HDAC4: variants seen among roughly 807,000 people sequenced by gnomAD.
HDAC4 encodes histone deacetylase 4, also known as histone deacetylase A.
A neutral mutation model predicts 135.1 loss-of-function variants in HDAC4; 16 were observed. The ratio of observed to expected loss-of-function variants is 0.12; its 90% CI spans 0.08 to 0.18. The LOEUF is 0.18. Among genes scored for constraint, HDAC4 ranks in the 10% least tolerant of loss-of-function variants. The pLI, the probability that HDAC4 is intolerant of heterozygous loss-of-function variation, is 1.00. For missense variants in HDAC4, 1,143 were observed against 1,511.8 expected (o/e 0.76, Z 4.05); for synonymous variants, 685 against 653.4 (o/e 1.05, Z -0.74).
At chr2:239,255,998 C>T (rs57296414) in intron 2 of HDAC4, among the ~76,000 whole-genome samples, 3 of 152,240 alleles carry the variant, frequency 2.0e-5, no homozygotes, top group African/African-American at 7.2e-5. Context: ...ATAAACCACT[C>T]TATGCAAATA....
intron 3 of HDAC4, among the ~76,000 whole-genome samples, chr2:239,223,411 T>C (rs2153133774): frequency 6.6e-6 from 1 of 152,236 alleles, no homozygotes; most frequent in African/African-American, 2.4e-5. Flanking sequence ...TCAAGGGCGC[T>C]GCGGGTCACT....
rs112112205 is a variant in HDAC4 at position 239,367,543 on chromosome 2, T to C, written c.-219-14625A>G. On this transcript the variant is annotated intron_variant, in intron 1 of 26. Transcript: ENST00000543185. ...AACCAAAATGCTCCAAAATCTGAAA[T>C]TTTCTGAGCACCAACATGAAAACCC... is the stretch of plus-strand genomic sequence containing the variant. Among the ~76,000 whole-genome samples the C allele has an allele frequency of 5.4e-3, 822 of 152,248 alleles. 3 individuals carry two copies. Among genetic ancestry groups the C allele is most frequent in the Non-Finnish European group, 8.8e-3 (599 of 68,010 alleles).
chr2:239,288,627 A>G (rs765066581), intron 2 of HDAC4, among the ~76,000 whole-genome samples: 1 of 152,110 alleles, frequency 6.6e-6, no homozygotes, highest in African/African-American at 2.4e-5. Flanking sequence ...ATAAAAATCA[A>G]CTGCAATTCC....
intron 2 of HDAC4, among the ~76,000 whole-genome samples, chr2:239,290,394 A>T (rs1456101413): frequency 6.6e-6 from 1 of 152,204 alleles, no homozygotes; most frequent in East Asian, 1.9e-4. Flanking sequence ...GATGTCCAGC[A>T]CCAATGAGTG....
chr2:239,380,675 T>C (rs540777300), intron 1 of HDAC4, among the ~76,000 whole-genome samples: 84 of 152,228 alleles, frequency 5.5e-4, no homozygotes, highest in Non-Finnish European at 1.1e-3. Context: ...ATGGTTACAA[T>C]GGTTAATTTT....
rs2049416879 is a variant in HDAC4 at position 239,262,240 on chromosome 2, G to T, written c.23-25576C>A. ...TTCCTCCTGTGGTGTCTCCTTGGGG[G>T]AATCCTAAATTTCTGTGATGTGAGA... On this transcript the variant is annotated intron_variant, in intron 2 of 26. Transcript: ENST00000543185. This position sits in a 1 kb window ranked among gnomAD's most constrained non-coding sequence, Gnocchi z 4.1. Among the ~76,000 whole-genome samples the T allele has an allele frequency of 6.6e-6, 1 of 152,174 alleles. No individual in the cohort carries two copies. Among genetic ancestry groups the T allele is most frequent in the Admixed American group, 6.5e-5 (1 of 15,278 alleles).
chr2:239,371,391 A>G (rs541167279), intron 1 of HDAC4, among the ~76,000 whole-genome samples: 2 of 152,196 alleles, frequency 1.3e-5, no homozygotes, highest in South Asian at 4.2e-4. Flanking sequence ...ACACTTATAC[A>G]CTAATACAAA....
intron 17 of HDAC4, among the ~76,000 whole-genome samples, chr2:239,092,982 T>C (rs1039406325): frequency 2.0e-5 from 3 of 151,950 alleles, no homozygotes; most frequent in Non-Finnish European, 4.4e-5. Flanking sequence ...GATAATCCCA[T>C]GGAGTCTAAA....
At chr2:239,236,813 T>G in intron 2 of HDAC4, 149 bp from the exon 3 acceptor site, 1 of 619,578 alleles carries the variant, frequency 1.6e-6, no homozygotes, top group South Asian at 1.7e-5. Flanking sequence ...AGCTTCATCA[T>G]AGATTATTTG....
At chr2:239,079,461 AG>A (rs1210881716) in intron 22 of HDAC4, among the ~76,000 whole-genome samples, 1 of 152,074 alleles carries the variant, frequency 6.6e-6, no homozygotes, top group African/African-American at 2.4e-5. Context: ...GTGCCTGGGG[AG>A]GGGGGCCCAC....
chr2:239,353,856 C>T (rs980898138), intron 1 of HDAC4, among the ~76,000 whole-genome samples: 1 of 152,230 alleles, frequency 6.6e-6, no homozygotes, highest in African/African-American at 2.4e-5. Context: ...ACGCTTGCAT[C>T]AGCCTGGATC....
chr2:239,162,833 G>A (rs2042896006), intron 6 of HDAC4, among the ~76,000 whole-genome samples: 1 of 152,104 alleles, frequency 6.6e-6, no homozygotes, highest in Non-Finnish European at 1.5e-5. Context: ...GGAAACAAGG[G>A]GGATCGCGTC....
intron 1 of HDAC4, among the ~76,000 whole-genome samples, chr2:239,365,569 G>A (rs1694135093): frequency 6.7e-6 from 1 of 149,344 alleles, no homozygotes; most frequent in African/African-American, 2.5e-5. Context: ...AGCCATGCAT[G>A]AGGCACCAGG....
At chr2:239,242,077 A>AGAAGGAAGGAAGGAAGGAAG (rs143185918) in intron 2 of HDAC4, among the ~76,000 whole-genome samples, 49 of 149,362 alleles carry the variant, frequency 3.3e-4, no homozygotes, top group African/African-American at 1.2e-3. Context: ...AGAAAGAAAG[A>AGAAGGAAGGAAGGAAGGAAG]GAAGGAAGGA....
Position 239,167,758 on chromosome 2 carries a change from G to A in HDAC4, c.491-3835C>T, listed in dbSNP as rs1163652082. Among the ~76,000 whole-genome samples, 1 of 149,838 alleles carries A rather than the reference G, an allele frequency of 6.7e-6. No homozygotes were observed. The highest frequency in any genetic ancestry group is 2.5e-5 in the African/African-American group (1 of 40,526). ...TTTTTTTTTTCTTAATTCACATTGA[G>A]TATCACTCATCCCCTGCATGGAGGC... On this transcript the variant is annotated intron_variant, in intron 5 of 26. Transcript: ENST00000543185. This position sits in a 1 kb window ranked among gnomAD's most constrained non-coding sequence, Gnocchi z 4.1.
chr2:239,171,319 C>T (rs1559550638), intron 5 of HDAC4, among the ~76,000 whole-genome samples: 1 of 152,050 alleles, frequency 6.6e-6, no homozygotes, highest in Non-Finnish European at 1.5e-5. Flanking sequence ...TGAAAAAGGG[C>T]CAAATGAAAA....
chr2:239,228,239 G>A (rs919984621), intron 3 of HDAC4, among the ~76,000 whole-genome samples: 1 of 152,150 alleles, frequency 6.6e-6, no homozygotes, highest in African/African-American at 2.4e-5. Context: ...ACCAGGTGAG[G>A]AGCAGCCTGC....
chr2:239,197,108 G>C (rs1014650239), intron 3 of HDAC4, among the ~76,000 whole-genome samples: 1 of 152,168 alleles, frequency 6.6e-6, no homozygotes, highest in African/African-American at 2.4e-5. Flanking sequence ...TCACTCTGCA[G>C]AACTCAGGCT....
At chr2:239,373,371 T>A (rs1338352458) in intron 1 of HDAC4, among the ~76,000 whole-genome samples, 1 of 152,194 alleles carries the variant, frequency 6.6e-6, no homozygotes, top group Non-Finnish European at 1.5e-5. Flanking sequence ...CGACCCCTCT[T>A]CCCTGGGCTG....
Sources: gnomAD v4.1 joint callset for allele counts (sites outside exome capture counted in the v4.1 genomes callset) on GRCh38, gnomAD v4.1.1 for gene constraint, Gnocchi (gnomAD v3.1) non-coding constraint, MANE v1.5 for transcripts, NCBI Gene and HGNC (gene_info 2026-07-23, HGNC 2026-07-21) for gene names.